Variants in WDR73 observed in about 807,000 individuals in gnomAD.
WDR73 encodes integrator complex assembly factor WDR73.
In WDR73, 30 loss-of-function variants were observed where a neutral mutation model predicts 38.2. The ratio of observed to expected loss-of-function variants is 0.79; its 90% CI spans 0.59 to 1.06. The LOEUF (loss-of-function observed/expected upper bound fraction) is 1.06, where lower values mean the gene tolerates loss of function less well. Among genes scored for constraint, WDR73 ranks in the 50% least tolerant of loss-of-function variants. The pLI, the probability that WDR73 is intolerant of heterozygous loss-of-function variation, is 0.00. For synonymous variants in WDR73, 197 were observed against 176.0 expected (o/e 1.12, Z -0.94); for missense variants, 487 against 467.0 (o/e 1.04, Z -0.40).
At chr15:84,654,104 C>T (rs1204296660) in intron 1 of WDR73, 130 bp downstream of exon 1, 2 of 1,243,168 alleles carry the variant, frequency 1.6e-6, no homozygotes, top group East Asian at 2.3e-5. Context: ...GAGTCCTCCA[C>T]GGTGGCGAGC....
At chr15:84,646,394 T>C (rs1896465217) in intron 5 of WDR73, 46 bp from the exon 6 acceptor site, 2 of 1,576,210 alleles carry the variant, frequency 1.3e-6, no homozygotes, top group Non-Finnish European at 1.7e-6. Context: ...TAATGAAGGT[T>C]TGAAACATGA....
intron 1 of WDR73, 190 bp downstream of exon 1, chr15:84,654,044 C>G (rs1170281070): frequency 2.8e-6 from 2 of 718,088 alleles, no homozygotes; most frequent in African/African-American, 3.5e-5. Flanking sequence ...TCACAACGCG[C>G]GCACGCAGGA....
Position 84,643,393 on chromosome 15 carries a change from T to C in WDR73, c.*77A>G, listed in dbSNP as rs1596047560. Reference sequence around the variant, plus strand: ...GCTGGTAACAGGGACTGGTAGTCACTTGAGTCCTACATGAGCACCCTTGCT... The same window carrying C: ...GCTGGTAACAGGGACTGGTAGTCACCTGAGTCCTACATGAGCACCCTTGCT... On this transcript the variant is annotated 3_prime_UTR_variant, in exon 8 of 8. Coordinates refer to ENST00000434634, the MANE Select transcript of WDR73 (RefSeq NM_032856.5). 1 of 1,502,700 alleles carries C rather than the reference T, an allele frequency of 6.7e-7. No homozygotes were observed. The highest frequency in any genetic ancestry group is 8.9e-7 in the Non-Finnish European group (1 of 1,119,482). The allele number at this position is 1,502,700 out of a possible 1,614,324, so 93.1% of individuals were successfully genotyped here. A position where few individuals can be genotyped will look rare whatever the true frequency, so the allele number is the denominator to read the frequency against.
At chr15:84,644,307 G>T in intron 7 of WDR73, 1 of 154,020 alleles carries the variant, frequency 6.5e-6, no homozygotes, top group Non-Finnish European at 1.4e-5. Context: ...TCACGTCCCT[G>T]CACGATCTAG....
At chr15:84,646,494 T>C in intron 5 of WDR73, 146 bp from the exon 6 acceptor site, 1 of 1,174,970 alleles carries the variant, frequency 8.5e-7, no homozygotes, top group Non-Finnish European at 1.2e-6. Flanking sequence ...GAGACATAAC[T>C]ACTCTGGCTT....
chr15:84,643,645 ACTTGGCTCCGTGTTCCAT>A lies in WDR73; in HGVS notation c.944_961del (p.Asp315_Gln320del), dbSNP rs11267906. ...ACCTCTGTGAGTGAAGAGAGGTTCTACTTGGCTCCGTGTTCCATCTTGGCTCCGTGTTCCATCCCAAGA... is the reference window on the plus strand; with the variant it reads ...ACCTCTGTGAGTGAAGAGAGGTTCTACTTGGCTCCGTGTTCCATCCCAAGA... On this transcript the variant is annotated inframe_deletion, in exon 8 of 8. Coordinates refer to ENST00000434634, the MANE Select transcript of WDR73 (RefSeq NM_032856.5). The A allele has an allele frequency of 0.19, 300,468 of 1,611,328 alleles. 29,020 individuals are homozygous for A. The highest frequency in any genetic ancestry group is 0.21 in the South Asian group (19,394 of 90,544).
Position 84,652,700 on chromosome 15 carries a change from ATATTT to A in WDR73, c.198+9_198+13del. On this transcript the variant is annotated intron_variant, in intron 3 of 7. Coordinates refer to ENST00000434634, the MANE Select transcript of WDR73 (RefSeq NM_032856.5). Reference sequence around the variant, plus strand: ...ATAAAAGTTGACATACTCAGCATTTATATTTTAAGTTACCTTGTTTTCCTTTACAG... The same window carrying A: ...ATAAAAGTTGACATACTCAGCATTTATAAGTTACCTTGTTTTCCTTTACAG... 1 of 1,410,364 alleles carries A rather than the reference ATATTT, an allele frequency of 7.1e-7. No homozygotes were observed. Among genetic ancestry groups the A allele is most frequent in the Non-Finnish European group, 9.6e-7 (1 of 1,042,156 alleles). The allele number at this position is 1,410,364 out of a possible 1,614,324, so 87.4% of individuals were successfully genotyped here. A position where few individuals can be genotyped will look rare whatever the true frequency, so the allele number is the denominator to read the frequency against.
intron 3 of WDR73, among the ~76,000 whole-genome samples, chr15:84,651,932 A>G: frequency 6.6e-6 from 1 of 152,046 alleles, no homozygotes; most frequent in East Asian, 1.9e-4. Flanking sequence ...CAGTGGCACG[A>G]TCTCAGCTCA....
intron 2 of WDR73, 183 bp downstream of exon 2, chr15:84,653,449 C>G: frequency 1.9e-6 from 1 of 536,380 alleles, no homozygotes; most frequent in Non-Finnish European, 3.4e-6. Context: ...GGATTACAGG[C>G]GTGAACCACT....
chr15:84,653,853 C>T (rs1896703519), intron 1 of WDR73, 154 bp from the exon 2 acceptor site: 1 of 673,958 alleles, frequency 1.5e-6, no homozygotes, highest in East Asian at 2.7e-5. Context: ...TTTCTGGGAC[C>T]AGGCCAGTCC....
At position 84,640,997 on chromosome 15, in the gene WDR73, A is replaced by G. The variant is rs559212202; in HGVS notation, c.*2473T>C. On this transcript the variant is annotated 3_prime_UTR_variant, in exon 8 of 8. Coordinates refer to ENST00000434634, the MANE Select transcript of WDR73 (RefSeq NM_032856.5). Reference sequence around the variant, plus strand: ...TAAGGGCATTATCCTGTACCCTCAAAGGAGTAAAAGGGGGAAAATGAGTCA... The same window carrying G: ...TAAGGGCATTATCCTGTACCCTCAAGGGAGTAAAAGGGGGAAAATGAGTCA... The G allele has an allele frequency of 6.6e-6, 1 of 152,334 alleles. No individual in the cohort carries two copies. The highest frequency in any genetic ancestry group is 2.1e-4 in the South Asian group (1 of 4,822). 9.4% of individuals were successfully genotyped at this position (152,334 alleles called of 1,614,324 possible). A position where few individuals can be genotyped will look rare whatever the true frequency, so the allele number is the denominator to read the frequency against.
At position 84,643,405 on chromosome 15, in the gene WDR73, TGAGCAC is replaced by T; in HGVS notation, c.*59_*64del. Reference sequence around the variant, plus strand: ...GACTGGTAGTCACTTGAGTCCTACATGAGCACCCTTGCTACTACAGCAGCTCCTCCC... The same window carrying T: ...GACTGGTAGTCACTTGAGTCCTACATCCTTGCTACTACAGCAGCTCCTCCC... On this transcript the variant is annotated 3_prime_UTR_variant, in exon 8 of 8. Transcript: ENST00000434634. The T allele has an allele frequency of 6.6e-7, 1 of 1,524,454 alleles. No homozygotes were observed. Among genetic ancestry groups the T allele is most frequent in the South Asian group, 1.3e-5 (1 of 79,144 alleles). 94.4% of individuals were successfully genotyped at this position (1,524,454 alleles called of 1,614,324 possible).
chr15:84,654,066 C>T, intron 1 of WDR73, 168 bp downstream of exon 1: 2 of 874,546 alleles, frequency 2.3e-6, no homozygotes, highest in Non-Finnish European at 3.6e-6. Context: ...GGAGCCATTT[C>T]CTAGAGATGG....
chr15:84,653,237 A>C, intron 2 of WDR73: 2 of 224,948 alleles, frequency 8.9e-6, no homozygotes, highest in Non-Finnish European at 1.8e-5. Context: ...TCGTGATCTC[A>C]GCTCACTGCA....
At chr15:84,648,736 C>A in intron 3 of WDR73, 111 bp from the exon 4 acceptor site, 1 of 824,486 alleles carries the variant, frequency 1.2e-6, no homozygotes, top group East Asian at 2.4e-5. Flanking sequence ...GGAAGCCACT[C>A]AGCTGGTGAA....
intron 7 of WDR73, chr15:84,644,505 A>G (rs1391724116): frequency 2.7e-5 from 4 of 149,808 alleles, no homozygotes; most frequent in Admixed American, 2.0e-4. Flanking sequence ...AGATACCCAC[A>G]TTAAGTGCCG....
In WDR73 at chr15:84,641,101, G is replaced by A. The variant is rs1392560187; in HGVS notation, c.*2369C>T. On this transcript the variant is annotated 3_prime_UTR_variant, in exon 8 of 8. Coordinates refer to ENST00000434634, the MANE Select transcript of WDR73 (RefSeq NM_032856.5). ...TTTCACCTGTCACTTCCAGACATGG[G>A]AGCAGAAAGTGAATTTCAGAACTCC... 6.6e-6 allele frequency: 1 copy of A among 150,772 alleles called. No individual in the cohort carries two copies. The highest frequency in any genetic ancestry group is 1.5e-5 in the Non-Finnish European group (1 of 68,046). The allele number at this position is 150,772 out of a possible 1,614,324, so 9.3% of individuals were successfully genotyped here. A position where few individuals can be genotyped will look rare whatever the true frequency, so the allele number is the denominator to read the frequency against.
chr15:84,648,529 G>A lies in WDR73; in HGVS notation c.287+8C>T. The A allele has an allele frequency of 6.2e-7, 1 of 1,607,972 alleles. No homozygotes were observed. The highest frequency in any genetic ancestry group is 8.5e-7 in the Non-Finnish European group (1 of 1,174,512). ...GTGTGGATGGCTGGATCACAAAATT[G>A]ACCATACCTGGTATGTGGCACATGC... is the stretch of plus-strand genomic sequence containing the variant. On this transcript the variant is annotated splice_region_variant and intron_variant, in intron 4 of 7. Coordinates refer to ENST00000434634, the MANE Select transcript of WDR73 (RefSeq NM_032856.5).
In WDR73 at chr15:84,641,238, G is replaced by A. The variant is rs1896247848; in HGVS notation, c.*2232C>T. The A allele has an allele frequency of 6.6e-6, 1 of 150,804 alleles. No individual in the cohort carries two copies. The highest frequency in any genetic ancestry group is 6.6e-5 in the Admixed American group (1 of 15,238). The allele number at this position is 150,804 out of a possible 1,614,324, so 9.3% of individuals were successfully genotyped here. A position where few individuals can be genotyped will look rare whatever the true frequency, so the allele number is the denominator to read the frequency against. On this transcript the variant is annotated 3_prime_UTR_variant, in exon 8 of 8. Transcript: ENST00000434634. Reference sequence around the variant, plus strand: ...GAATGAAGATCTCCCGGACTTCAAGGAGATTCAGAAAACGTCCAGTGCAGG... The same window carrying A: ...GAATGAAGATCTCCCGGACTTCAAGAAGATTCAGAAAACGTCCAGTGCAGG...
Sources: allele counts gnomAD v4.1 joint callset (sites outside exome capture counted in the v4.1 genomes callset), GRCh38; gene constraint gnomAD v4.1.1; transcripts MANE v1.5; gene names NCBI Gene and HGNC (gene_info 2026-07-23, HGNC 2026-07-21).